SEC63: variants seen among roughly 807,000 people sequenced by gnomAD.
SEC63 encodes SEC63 protein translocation regulator.
Under a neutral mutation model 116.2 loss-of-function variants are expected in SEC63, and 56 were observed. The observed-to-expected ratio is 0.48, with a 90% CI of 0.39 to 0.60. The LOEUF is 0.60. Among genes scored for constraint, SEC63 ranks in the 20% least tolerant of loss-of-function variants. The pLI is 0.00. For missense variants in SEC63, 668 were observed against 900.0 expected (o/e 0.74, Z 3.30); for synonymous variants, 273 against 294.6 (o/e 0.93, Z 0.75).
chr6:107,904,851 T>A (rs983330124), intron 10 of SEC63, 130 bp from the exon 11 acceptor site: 87 of 761,964 alleles, frequency 1.1e-4, no homozygotes, highest in South Asian at 2.2e-4. Flanking sequence ...ATTTTACAGA[T>A]TGAATGGAAG....
At chr6:107,889,704 T>C (rs541421186) in intron 16 of SEC63, among the ~76,000 whole-genome samples, 1 of 152,340 alleles carries the variant, frequency 6.6e-6, no homozygotes, top group South Asian at 2.1e-4. Context: ...TCCTGCTTTC[T>C]CTTGTAGGCA....
chr6:107,902,909 A>G lies in SEC63; in HGVS notation c.1144T>C (p.Ser382Pro). 6.2e-7 allele frequency: 1 copy of G among 1,613,842 alleles called. No homozygotes were observed. The highest frequency in any genetic ancestry group is 2.2e-5 in the East Asian group (1 of 44,872). The change falls in exon 12 of 21, where the codon TCT becomes CCT. Residue 382 changes from serine (S) to proline (P), a missense_variant. Around this residue, in one of 5 missense-constraint regions of SEC63, gnomAD observed 430 missense variants for 557.5 expected, o/e 0.77. Transcript: ENST00000369002. ...MAVQGLQQFKSPLLQLPHIEE... is the reference protein window; with the variant it reads ...MAVQGLQQFKPPLLQLPHIEE... ...ATATGAGGGAGCTGCAGAAGGGGAG[A>G]CTTAAATTGCTGAAGTCCCTGAACG...
chr6:107,926,849 G>A (rs1787686642), intron 2 of SEC63, among the ~76,000 whole-genome samples: 1 of 152,130 alleles, frequency 6.6e-6, no homozygotes, highest in Non-Finnish European at 1.5e-5. Context: ...ATGAGAAGAG[G>A]AAAGGAGAAG....
At chr6:107,934,650 A>C (rs1157791232) in intron 1 of SEC63, among the ~76,000 whole-genome samples, 1 of 121,808 alleles carries the variant, frequency 8.2e-6, no homozygotes, top group South Asian at 3.1e-4. Flanking sequence ...CAGGCCAGCC[A>C]CCCCGTCCAG....
At chr6:107,927,348 G>C (rs1449413087) in intron 2 of SEC63, among the ~76,000 whole-genome samples, 1 of 152,172 alleles carries the variant, frequency 6.6e-6, no homozygotes, top group African/African-American at 2.4e-5. Context: ...TTACAGGCAT[G>C]AGCCACCACG....
chr6:107,950,381 A>G (rs1770554560), intron 1 of SEC63, among the ~76,000 whole-genome samples: 1 of 152,190 alleles, frequency 6.6e-6, no homozygotes, highest in Non-Finnish European at 1.5e-5. Context: ...ACAACCAAAA[A>G]GAAGATAAGG....
intron 1 of SEC63, among the ~76,000 whole-genome samples, chr6:107,940,658 C>T (rs566792502): frequency 4.0e-5 from 6 of 151,888 alleles, no homozygotes; most frequent in African/African-American, 1.4e-4. Flanking sequence ...CAGCTACAGA[C>T]GGTACATGAA....
At chr6:107,914,001 G>C (rs1787343458) in intron 4 of SEC63, among the ~76,000 whole-genome samples, 1 of 152,116 alleles carries the variant, frequency 6.6e-6, no homozygotes, top group South Asian at 2.1e-4. Flanking sequence ...TTTCTCCTAA[G>C]CCAATTGCCA....
intron 4 of SEC63, among the ~76,000 whole-genome samples, chr6:107,918,063 C>A: frequency 6.6e-6 from 1 of 152,160 alleles, no homozygotes; most frequent in East Asian, 1.9e-4. Context: ...TAGGGGCTAA[C>A]GTTGCTGGCG....
rs908120959 is a variant in SEC63, at chr6:107,881,042, T to A, written c.1935+107A>T. On this transcript the variant is annotated intron_variant, in intron 18 of 20. Transcript: ENST00000369002. ...ATGGCCTCTCAGGATAGACCACATT[T>A]AGCACATATGAACTAATACACACGA... The A allele has an allele frequency of 1.9e-5, 15 of 803,402 alleles. No homozygotes were observed. The Middle Eastern group carries it at 1.4e-3, about 76-fold the overall frequency. 49.8% of individuals were successfully genotyped at this position (803,402 alleles called of 1,614,324 possible).
intron 1 of SEC63, among the ~76,000 whole-genome samples, chr6:107,951,480 A>G (rs1054825488): frequency 1.3e-5 from 2 of 152,200 alleles, no homozygotes; most frequent in Non-Finnish European, 2.9e-5. Context: ...GTTGTTAGCA[A>G]AGAGCACATA....
At chr6:107,946,465 A>G (rs2114513597) in intron 1 of SEC63, among the ~76,000 whole-genome samples, 2 of 152,198 alleles carry the variant, frequency 1.3e-5, no homozygotes, top group East Asian at 1.9e-4. Flanking sequence ...TCAGCCTCCC[A>G]AAGTGCTGGG....
rs756849940 is a variant in SEC63 at position 107,921,922 on chromosome 6, A to AGGGGG, written c.340-14_340-13insCCCCC. On this transcript the variant is annotated splice_polypyrimidine_tract_variant and intron_variant, in intron 3 of 20. Coordinates refer to ENST00000369002, the MANE Select transcript of SEC63 (RefSeq NM_007214.5). ...CTACTGTGGCTCCCTGGGGAAAAAC[A>AGGGGG]AAAAAAAAAAACAAGCTTTCTGTTA... The AGGGGG allele has an allele frequency of 1.7e-5, 16 of 964,122 alleles. No individual in the cohort carries two copies. The African/African-American group carries it at 3.6e-4, about 22-fold the overall frequency. The allele number at this position is 964,122 out of a possible 1,614,324, so 59.7% of individuals were successfully genotyped here.
intron 14 of SEC63, among the ~76,000 whole-genome samples, chr6:107,894,265 T>C (rs751828279): frequency 1.3e-5 from 2 of 152,224 alleles, no homozygotes; most frequent in African/African-American, 2.4e-5. Context: ...ACCTTGACAA[T>C]ATGTCAGTGT....
chr6:107,904,670 T>C lies in SEC63; in HGVS notation c.1013A>G (p.Asn338Ser). 1 of 1,613,914 alleles carries C rather than the reference T, an allele frequency of 6.2e-7. No individual in the cohort carries two copies. Among genetic ancestry groups the C allele is most frequent in the Non-Finnish European group, 8.5e-7 (1 of 1,179,810 alleles). ...CATTACTATTAGTTGGCAGATTACA[T>C]TAACCATTTCTTGAAGTAGGGCAGG... ...KCPALLQEMV[N>S]VICQLIVMAR... The change falls in exon 11 of 21, where the codon AAT becomes AGT. Residue 338 changes from asparagine to serine, a missense_variant. Physicochemically the swap from Asn to Ser is conservative, Grantham distance 46 (BLOSUM62 1). Coordinates refer to ENST00000369002, the MANE Select transcript of SEC63 (RefSeq NM_007214.5).
chr6:107,897,421 A>T (rs1260036807), intron 14 of SEC63, among the ~76,000 whole-genome samples: 1 of 152,222 alleles, frequency 6.6e-6, no homozygotes, highest in South Asian at 2.1e-4. Context: ...TGTTATGATT[A>T]TGTTTTATAG....
chr6:107,891,481 T>C lies in SEC63; in HGVS notation c.1674+2001A>G, dbSNP rs890052171. 2.0e-5 allele frequency among the ~76,000 whole-genome samples: 3 copies of C among 152,092 alleles called. No homozygotes were observed. In the South Asian group the frequency reaches 6.2e-4, roughly 32 times the overall value. ...AGCAATTCGTCTTTTTCAAGGTTCT[T>C]AGCTTCCTTGCATTGGGTTAGAACA... On this transcript the variant is annotated intron_variant, in intron 16 of 20. Coordinates refer to ENST00000369002, the MANE Select transcript of SEC63 (RefSeq NM_007214.5).
chr6:107,943,957 G>C (rs1401748246), intron 1 of SEC63, among the ~76,000 whole-genome samples: 1 of 152,262 alleles, frequency 6.6e-6, no homozygotes, highest in East Asian at 1.9e-4. Flanking sequence ...TCTGAGAAAA[G>C]ACTACACTCA....
chr6:107,927,984 C>T (rs1451987746), intron 2 of SEC63, among the ~76,000 whole-genome samples: 4 of 152,102 alleles, frequency 2.6e-5, no homozygotes, highest in African/African-American at 9.7e-5. Flanking sequence ...AATCTTCCCA[C>T]TTGGAACCCG....
Sources: allele counts gnomAD v4.1 joint callset (sites outside exome capture counted in the v4.1 genomes callset), GRCh38; gene constraint gnomAD v4.1.1; regional missense constraint gnomAD v4.1.1; transcripts MANE v1.5; gene names NCBI Gene and HGNC (gene_info 2026-07-23, HGNC 2026-07-21).